ZBTB20: variants seen among roughly 807,000 people sequenced by gnomAD.
The protein encoded by ZBTB20 is zinc finger and BTB domain-containing protein 20.
Under a neutral mutation model 56.9 loss-of-function variants are expected in ZBTB20, and 9 were observed. The observed-to-expected ratio is 0.16, with a 90% confidence interval of 0.10 to 0.28. The LOEUF is 0.28. ZBTB20 is among the 10% of genes least tolerant of loss of function. The probability of loss-of-function intolerance (pLI) is 1.00; values close to 1 mark genes in which losing one functional copy is unlikely to be tolerated. For synonymous variants in ZBTB20, 417 were observed against 420.7 expected, an observed-to-expected ratio of 0.99 and a Z score of 0.11; for missense variants, 655 against 1,003.0, an observed-to-expected ratio of 0.65 and a Z score of 4.69.
chr3:114,934,740 G>T (rs2076474271), intron 3 of ZBTB20, among the ~76,000 whole-genome samples: 1 of 151,888 alleles, frequency 6.6e-6, no homozygotes, highest in South Asian at 2.1e-4. Flanking sequence ...AAATGCATTT[G>T]CTTAGAAGCT....
chr3:114,491,930 G>A (rs1196208690), intron 7 of ZBTB20, among the ~76,000 whole-genome samples: 1 of 152,082 alleles, frequency 6.6e-6, no homozygotes, highest in Non-Finnish European at 1.5e-5. Context: ...TCAACAATAA[G>A]CTCAAAATTA....
chr3:114,396,598 G>A (rs917999128), intron 7 of ZBTB20, among the ~76,000 whole-genome samples: 2 of 152,160 alleles, frequency 1.3e-5, no homozygotes, highest in Non-Finnish European at 2.9e-5. Context: ...GCAAAGCAGA[G>A]TTAAGGGCCA....
chr3:115,078,259 G>A (rs2108530257), intron 1 of ZBTB20, among the ~76,000 whole-genome samples: 1 of 152,230 alleles, frequency 6.6e-6, no homozygotes, highest in South Asian at 2.1e-4. Flanking sequence ...ATTCTATGTT[G>A]TTTTTGATAT....
At chr3:115,084,450 C>A (rs181930871) in intron 1 of ZBTB20, among the ~76,000 whole-genome samples, 2 of 151,398 alleles carry the variant, frequency 1.3e-5, no homozygotes, top group Admixed American at 1.3e-4. Context: ...CATTTATAGC[C>A]CACTAAACAA....
intron 4 of ZBTB20, among the ~76,000 whole-genome samples, chr3:114,843,805 T>A (rs1016961655): frequency 4.0e-5 from 6 of 151,624 alleles, no homozygotes; most frequent in African/African-American, 1.5e-4. Context: ...GCCTCCTGAG[T>A]ATCTGGGACT....
chr3:115,052,435 T>G (rs1055337403), intron 2 of ZBTB20, among the ~76,000 whole-genome samples: 1 of 151,362 alleles, frequency 6.6e-6, no homozygotes, highest in Non-Finnish European at 1.5e-5. Context: ...CCAACCTAGG[T>G]AATGGAGTGA....
chr3:114,421,342 C>T (rs904435631), intron 7 of ZBTB20, among the ~76,000 whole-genome samples: 5 of 152,082 alleles, frequency 3.3e-5, no homozygotes, highest in Admixed American at 1.3e-4. Context: ...TGGGGAAGGA[C>T]GTCTTGATAC....
chr3:114,503,886 G>A (rs1214217965), intron 6 of ZBTB20, among the ~76,000 whole-genome samples: 2 of 152,028 alleles, frequency 1.3e-5, no homozygotes, highest in African/African-American at 4.8e-5. Context: ...TACAGCAGTG[G>A]TTTTCAACAT....
At chr3:114,500,625 T>A (rs78489535) in intron 6 of ZBTB20, among the ~76,000 whole-genome samples, 1 of 152,154 alleles carries the variant, frequency 6.6e-6, no homozygotes, top group Non-Finnish European at 1.5e-5. Flanking sequence ...AAGACAGTAC[T>A]TCCCAGCACA....
chr3:114,486,119 A>AAT (rs1553726887), intron 7 of ZBTB20, among the ~76,000 whole-genome samples: 1 of 26,796 alleles, frequency 3.7e-5, no homozygotes, highest in Admixed American at 5.4e-4. Context: ...GGTCAGTAAG[A>AAT]GTGTGTGTGT....
At chr3:114,604,086 T>A (rs1267350978) in intron 6 of ZBTB20, among the ~76,000 whole-genome samples, 2 of 152,112 alleles carry the variant, frequency 1.3e-5, no homozygotes. Context: ...ATGAAATGAT[T>A]TATATATAAG....
chr3:114,387,673 T>C (rs2085314632), intron 8 of ZBTB20: 1 of 152,264 alleles, frequency 6.6e-6, no homozygotes. Flanking sequence ...TGTATCAGCA[T>C]AGTTACTCTG....
At chr3:114,752,441 C>T (rs2067639123) in intron 5 of ZBTB20, among the ~76,000 whole-genome samples, 1 of 152,122 alleles carries the variant, frequency 6.6e-6, no homozygotes, top group South Asian at 2.1e-4. Flanking sequence ...TTAAAATGCT[C>T]CCTTCTGAGA....
intron 7 of ZBTB20, among the ~76,000 whole-genome samples, chr3:114,498,688 C>T (rs1303404068): frequency 6.6e-6 from 1 of 152,172 alleles, no homozygotes; most frequent in African/African-American, 2.4e-5. Flanking sequence ...GTCACTCCCC[C>T]AGCCTTATGT....
intron 11 of ZBTB20, among the ~76,000 whole-genome samples, chr3:114,344,368 A>G (rs1445697040): frequency 6.6e-6 from 1 of 152,242 alleles, no homozygotes; most frequent in African/African-American, 2.4e-5. Flanking sequence ...CTTGAAGGTC[A>G]TCTAAGAAGT....
chr3:114,492,388 T>C (rs1293532449), intron 7 of ZBTB20, among the ~76,000 whole-genome samples: 2 of 152,196 alleles, frequency 1.3e-5, no homozygotes, highest in African/African-American at 2.4e-5. Context: ...TCCACTCCAG[T>C]CCTCCTTTGG....
chr3:114,481,480 G>A (rs1353808943), intron 7 of ZBTB20, among the ~76,000 whole-genome samples: 1 of 152,154 alleles, frequency 6.6e-6, no homozygotes, highest in African/African-American at 2.4e-5. Context: ...TAACAGAGGT[G>A]AGAATCCCTC....
chr3:114,833,379 G>C (rs1272292547), intron 4 of ZBTB20, among the ~76,000 whole-genome samples: 5 of 151,986 alleles, frequency 3.3e-5, no homozygotes, highest in African/African-American at 1.2e-4. Flanking sequence ...CAATACAACT[G>C]CAACACTTTA....
At chr3:114,343,032 A>G (rs540372874) in intron 11 of ZBTB20, among the ~76,000 whole-genome samples, 1 of 152,056 alleles carries the variant, frequency 6.6e-6, no homozygotes, top group East Asian at 1.9e-4. Flanking sequence ...TGCCTTGCCA[A>G]GGGTGTTGGG....
Sources: gnomAD v4.1 joint callset for allele counts (sites outside exome capture counted in the v4.1 genomes callset) on GRCh38, gnomAD v4.1.1 for gene constraint, MANE v1.5 for transcripts, NCBI Gene and HGNC (gene_info 2026-07-23, HGNC 2026-07-21) for gene names.